Variants in CACNA2D2 observed in about 807,000 individuals in gnomAD.
CACNA2D2 encodes calcium voltage-gated channel auxiliary subunit alpha2delta 2.
Under a neutral mutation model 166.4 loss-of-function variants are expected in CACNA2D2, and 48 were observed. That is an observed-to-expected ratio of 0.29 (90% CI 0.23 to 0.37). The LOEUF (loss-of-function observed/expected upper bound fraction) is 0.37. Among genes scored for constraint, CACNA2D2 ranks in the 10% least tolerant of loss-of-function variants. CACNA2D2 has a pLI of 1.00. For synonymous variants in CACNA2D2, 561 were observed against 573.7 expected (o/e 0.98, Z 0.32); for missense variants, 1,122 against 1,433.0 (o/e 0.78, Z 3.50).
At position 50,365,187 on chromosome 3, in the gene CACNA2D2, G is replaced by A. The variant is rs1393653379; in HGVS notation, c.3099-3C>T. 6.2e-7 allele frequency: 1 copy of A among 1,611,768 alleles called. No homozygotes were observed. The highest frequency in any genetic ancestry group is 1.7e-5 in the Admixed American group (1 of 59,932). ...TCAGTCTCTGCGCGTGGAACAGCCTGCGGGCAGCCCGGAAAGGCGGGGCGT... is the reference window on the plus strand; with the variant it reads ...TCAGTCTCTGCGCGTGGAACAGCCTACGGGCAGCCCGGAAAGGCGGGGCGT... On this transcript the variant is annotated splice_region_variant and splice_polypyrimidine_tract_variant and intron_variant, in intron 35 of 37. Coordinates refer to ENST00000424201, the MANE Select transcript of CACNA2D2 (RefSeq NM_006030.4). The surrounding 1 kb of genome is among the most constrained non-coding windows in gnomAD (Gnocchi z 4.5).
rs1259716478 is a variant in CACNA2D2 at position 50,427,873 on chromosome 3, C to T, written c.405+6440G>A. Among the ~76,000 whole-genome samples, 1 of 152,200 alleles carries T rather than the reference C, an allele frequency of 6.6e-6. No homozygotes were observed. Among genetic ancestry groups the T allele is most frequent in the Non-Finnish European group, 1.5e-5 (1 of 68,034 alleles). On this transcript the variant is annotated intron_variant, in intron 3 of 37. Coordinates refer to ENST00000424201, the MANE Select transcript of CACNA2D2 (RefSeq NM_006030.4). The surrounding 1 kb of genome is among the most constrained non-coding windows in gnomAD (Gnocchi z 4.7). Reference sequence around the variant, plus strand: ...CCTCCAGGGGCCAACCTGTTTGTCTCACCCTCGTCAGTGAATGCACCCGTG... The same window carrying T: ...CCTCCAGGGGCCAACCTGTTTGTCTTACCCTCGTCAGTGAATGCACCCGTG...
intron 2 of CACNA2D2, among the ~76,000 whole-genome samples, chr3:50,452,624 C>T (rs1176753150): frequency 6.6e-6 from 1 of 152,134 alleles, no homozygotes; most frequent in African/African-American, 2.4e-5. Flanking sequence ...GCTATCAATG[C>T]TTTGGAGAAA....
chr3:50,384,122 TCTGGAATGCCCTGGCAGTGGGC>T, intron 6 of CACNA2D2, 52 bp downstream of exon 6: 1 of 1,576,926 alleles, frequency 6.3e-7, no homozygotes, highest in Non-Finnish European at 8.7e-7. Flanking sequence ...CCCCAGGGAC[TCTGGAATGCCCTGGCAGTGGGC>T]CTGCCCCCAC....
At chr3:50,390,254 T>G (rs1467514328) in intron 4 of CACNA2D2, among the ~76,000 whole-genome samples, 2 of 152,176 alleles carry the variant, frequency 1.3e-5, no homozygotes, top group Non-Finnish European at 2.9e-5. Flanking sequence ...CCTACTGGCT[T>G]GTCCCAGTGG....
At chr3:50,477,098 T>G (rs1380172723) in intron 1 of CACNA2D2, among the ~76,000 whole-genome samples, 7 of 151,936 alleles carry the variant, frequency 4.6e-5, no homozygotes, top group Non-Finnish European at 1.5e-5. Flanking sequence ...CCTGGCTATT[T>G]TTTTCTATTT....
In CACNA2D2 at chr3:50,364,960, C is replaced by G. The variant is rs763919174; in HGVS notation, c.3219G>C (p.Pro1073=). 5.0e-5 allele frequency: 81 copies of G among 1,611,376 alleles called. No homozygotes were observed. The highest frequency in any genetic ancestry group is 5.8e-5 in the Non-Finnish European group (68 of 1,179,194). Reference sequence around the variant, plus strand: ...GTCTCTGCACTAGCTCACACTGCTCCGGGCCGTCCGCTGGGCATGGGTGGG... The same window carrying G: ...GTCTCTGCACTAGCTCACACTGCTCGGGGCCGTCCGCTGGGCATGGGTGGG... ...LLQKETHSDG[P]EQCELVQRPR... The change falls in exon 37 of 38, where the codon CCG becomes CCC. Residue 1073 remains proline (P), a synonymous_variant. Coordinates refer to ENST00000424201, the MANE Select transcript of CACNA2D2 (RefSeq NM_006030.4).
chr3:50,413,667 C>T (rs957345492), intron 3 of CACNA2D2, among the ~76,000 whole-genome samples: 2 of 152,010 alleles, frequency 1.3e-5, no homozygotes, highest in South Asian at 2.1e-4. Context: ...GCCAACATGG[C>T]GAAACCCCAA....
chr3:50,473,124 T>C (rs1302570949), intron 2 of CACNA2D2, among the ~76,000 whole-genome samples: 1 of 152,180 alleles, frequency 6.6e-6, no homozygotes, highest in Non-Finnish European at 1.5e-5. Context: ...GCTCCAGCTA[T>C]GCACTAGCTG....
rs1705582339 is a variant in CACNA2D2 at position 50,385,951 on chromosome 3, C to T, written c.511-1614G>A. Among the ~76,000 whole-genome samples the T allele has an allele frequency of 1.3e-5, 2 of 152,052 alleles. 1 individual carries two copies. The highest frequency in any genetic ancestry group is 4.2e-4 in the South Asian group (2 of 4,736). ...TGATAAGCTATCAGCTGGCGAACTT[C>T]TTCCTTCCTTTTCTTTCCCCCACCC... On this transcript the variant is annotated intron_variant, in intron 5 of 37. Coordinates refer to ENST00000424201, the MANE Select transcript of CACNA2D2 (RefSeq NM_006030.4).
chr3:50,410,906 G>A (rs1294835669), intron 3 of CACNA2D2, among the ~76,000 whole-genome samples: 1 of 152,268 alleles, frequency 6.6e-6, no homozygotes, highest in African/African-American at 2.4e-5. Flanking sequence ...ATAAACACAT[G>A]TGCACATGTG....
chr3:50,373,192 T>G, intron 22 of CACNA2D2: 1 of 913,092 alleles, frequency 1.1e-6, no homozygotes, highest in Non-Finnish European at 1.7e-6. Context: ...AATATTTTAT[T>G]CAATGGCTGT....
intron 5 of CACNA2D2, 125 bp downstream of exon 5, chr3:50,387,443 G>T: frequency 1.2e-6 from 1 of 800,542 alleles, no homozygotes; most frequent in Non-Finnish European, 2.2e-6. Flanking sequence ...TGGAAGGTGG[G>T]GCCTGTGTCA....
intron 3 of CACNA2D2, among the ~76,000 whole-genome samples, chr3:50,401,047 A>T (rs1231249633): frequency 6.6e-6 from 1 of 152,188 alleles, no homozygotes; most frequent in East Asian, 1.9e-4. Flanking sequence ...TAAAATGACC[A>T]CCAGAGTAAC....
chr3:50,374,986 C>A (rs1462984502), intron 21 of CACNA2D2, among the ~76,000 whole-genome samples, 173 bp from the exon 22 acceptor site: 1 of 152,082 alleles, frequency 6.6e-6, no homozygotes, highest in Non-Finnish European at 1.5e-5. Context: ...GGGCCGGCAC[C>A]CTGGAGGCTC....
chr3:50,429,491 G>T (rs1036849840), intron 3 of CACNA2D2, among the ~76,000 whole-genome samples: 1 of 149,028 alleles, frequency 6.7e-6, no homozygotes, highest in Non-Finnish European at 1.5e-5. Context: ...GGTGGCTCAC[G>T]CCAGTAATCC....
chr3:50,374,682 C>G, intron 22 of CACNA2D2, 55 bp downstream of exon 22: 1 of 1,549,104 alleles, frequency 6.5e-7, no homozygotes, highest in Non-Finnish European at 8.7e-7. Flanking sequence ...TGGGGCCGGC[C>G]AGGGTGCGGG....
At chr3:50,479,997 G>T (rs1697977521) in intron 1 of CACNA2D2, among the ~76,000 whole-genome samples, 1 of 152,218 alleles carries the variant, frequency 6.6e-6, no homozygotes, top group Non-Finnish European at 1.5e-5. Context: ...GCATCTAGGG[G>T]CTGCAGTGGC....
chr3:50,487,268 G>C (rs1398431484), intron 1 of CACNA2D2, among the ~76,000 whole-genome samples: 1 of 152,212 alleles, frequency 6.6e-6, no homozygotes, highest in Non-Finnish European at 1.5e-5. Flanking sequence ...TTCCAACTTT[G>C]AGAAGGGGGC....
intron 1 of CACNA2D2, among the ~76,000 whole-genome samples, chr3:50,481,275 G>T (rs1415147163): frequency 6.6e-6 from 1 of 152,100 alleles, no homozygotes; most frequent in Non-Finnish European, 1.5e-5. Context: ...AGGCCTGGTA[G>T]GGAGCAAGGG....
Sources: allele counts gnomAD v4.1 joint callset (sites outside exome capture counted in the v4.1 genomes callset), GRCh38; gene constraint gnomAD v4.1.1; non-coding constraint Gnocchi (gnomAD v3.1); transcripts MANE v1.5; gene names NCBI Gene and HGNC (gene_info 2026-07-23, HGNC 2026-07-21).